Variants in SLC26A4 observed in about 807,000 individuals in gnomAD.
The protein encoded by SLC26A4 is pendrin.
Under a neutral mutation model 90.4 loss-of-function variants are expected in SLC26A4, and 93 were observed. The observed-to-expected ratio is 1.03, with a 90% confidence interval of 0.87 to 1.22. The LOEUF (loss-of-function observed/expected upper bound fraction) is 1.22. Ranked by LOEUF, SLC26A4 falls within the 50% of genes most tolerant of loss-of-function variation. The pLI is 0.00. For synonymous variants in SLC26A4, 393 were observed against 354.6 expected (o/e 1.11, Z -1.22); for missense variants, 1,127 against 946.2 (o/e 1.19, Z -2.51).
At chr7:107,669,590 T>G (rs189786950) in intron 3 of SLC26A4, among the ~76,000 whole-genome samples, 2 of 152,322 alleles carry the variant, frequency 1.3e-5, no homozygotes, top group Admixed American at 6.5e-5. Flanking sequence ...CTGTTTGTAA[T>G]TTACATATTA....
In SLC26A4 at chr7:107,701,158, C is replaced by G. The variant is rs1473339827; in HGVS notation, c.1765C>G (p.Gln589Glu). The G allele has an allele frequency of 1.2e-6, 2 of 1,609,656 alleles. No homozygotes were observed. Among genetic ancestry groups the G allele is most frequent in the South Asian group, 1.1e-5 (1 of 91,010 alleles). The stretch of plus-strand genomic sequence containing the variant: ...GAGGCTGAAAGCGCTGAGGAAAATA[C>G]AGAAACTAATAAAAAGTGGACAATT... The part of the protein sequence containing the change: ...NKRLKALRKI[Q>E]KLIKSGQLRA... The change falls in exon 16 of 21, where the codon CAG (glutamine) becomes GAG (glutamate). Residue 589 changes from glutamine (Q) to glutamate (E), a missense_variant. Physicochemically the swap from Gln to Glu is conservative, Grantham distance 29. Coordinates refer to ENST00000644269, the MANE Select transcript of SLC26A4 (RefSeq NM_000441.2).
chr7:107,694,458 A>G lies in SLC26A4; in HGVS notation c.1319A>G (p.Lys440Arg). 1 of 1,613,644 alleles carries G rather than the reference A, an allele frequency of 6.2e-7. No individual in the cohort carries two copies. Residue 440 changes from lysine to arginine, a missense_variant, in exon 11 of 21, where the codon AAG (lysine) becomes AGG (arginine). Physicochemically the swap from Lys to Arg is conservative, Grantham distance 26 (BLOSUM62 2). Coordinates refer to ENST00000644269, the MANE Select transcript of SLC26A4 (RefSeq NM_000441.2). The stretch of plus-strand genomic sequence containing the variant: ...ATGATCGCCATTCTTGCCCTGGGGA[A>G]GCTTCTGGAACCCTTGCAGAAGGTA... ...IVMIAILALG[K>R]LLEPLQKSVL...
intron 8 of SLC26A4, among the ~76,000 whole-genome samples, chr7:107,686,281 C>CCCTCCCTTCCCTCCCTTT (rs1562830850): frequency 8.0e-6 from 1 of 124,498 alleles, no homozygotes; most frequent in African/African-American, 3.0e-5. Flanking sequence ...TCCCTCCCTT[C>CCCTCCCTTCCCTCCCTTT]CCTCCCTTTC....
intron 9 of SLC26A4, among the ~76,000 whole-genome samples, chr7:107,689,455 T>G (rs1791509823): frequency 6.6e-6 from 1 of 152,206 alleles, no homozygotes; most frequent in Non-Finnish European, 1.5e-5. Context: ...ATAAATAACA[T>G]TCAAAGTGAA....
chr7:107,679,881 AATCTT>A (rs1562826805), intron 6 of SLC26A4, among the ~76,000 whole-genome samples: 3 of 117,784 alleles, frequency 2.5e-5, no homozygotes, highest in Admixed American at 8.7e-5. Context: ...TATATTATAT[AATCTT>A]ATCTTATATA....
intron 8 of SLC26A4, among the ~76,000 whole-genome samples, chr7:107,687,702 A>G (rs1464062842): frequency 6.6e-6 from 1 of 152,230 alleles, no homozygotes; most frequent in Non-Finnish European, 1.5e-5. Context: ...GGCAAAGTGC[A>G]TTAGGCTGCT....
rs748270865 is a variant in SLC26A4 at position 107,672,280 on chromosome 7, G to T, written c.415+32G>T. 2.8e-5 allele frequency: 39 copies of T among 1,404,922 alleles called. No individual in the cohort carries two copies. In the South Asian group the frequency reaches 4.5e-4, roughly 16 times the overall value. The allele number at this position is 1,404,922 out of a possible 1,614,324, so 87.0% of individuals were successfully genotyped here. On this transcript the variant is annotated intron_variant, in intron 4 of 20. Transcript: ENST00000644269. Reference sequence around the variant, plus strand: ...ATAAGTATATTTTACAATTATATTTGCTCATGTTTAAAGTGTTTTGGCTAT... The same window carrying T: ...ATAAGTATATTTTACAATTATATTTTCTCATGTTTAAAGTGTTTTGGCTAT...
chr7:107,684,076 G>C (rs1185950577), intron 8 of SLC26A4, among the ~76,000 whole-genome samples: 2 of 152,160 alleles, frequency 1.3e-5, no homozygotes, highest in Admixed American at 1.3e-4. Context: ...TCACCTTCCA[G>C]TTTTGTGACC....
intron 17 of SLC26A4, among the ~76,000 whole-genome samples, chr7:107,703,930 G>A (rs960794564): frequency 1.3e-5 from 2 of 152,176 alleles, no homozygotes; most frequent in African/African-American, 2.4e-5. Context: ...TAAAATCACA[G>A]TAGGACACTG....
Position 107,661,529 on chromosome 7 carries a change from G to GC in SLC26A4, c.-3-110_-3-109insC. On this transcript the variant is annotated intron_variant, in intron 1 of 20. Coordinates refer to ENST00000644269, the MANE Select transcript of SLC26A4 (RefSeq NM_000441.2). The surrounding 1 kb of genome is among the most constrained non-coding windows in gnomAD (Gnocchi z 5.1). The stretch of plus-strand genomic sequence containing the variant: ...GCGGACCAGACTCGCGGTGCAGGGG[G>GC]GCCTGGCTGCAGCTAACAGGTGATC... 1 of 1,218,736 alleles carries GC rather than the reference G, an allele frequency of 8.2e-7. No homozygotes were observed. Among genetic ancestry groups the GC allele is most frequent in the Non-Finnish European group, 1.2e-6 (1 of 861,682 alleles). 75.5% of individuals were successfully genotyped at this position (1,218,736 alleles called of 1,614,324 possible).
At chr7:107,675,179 G>C (rs1790988403) in intron 6 of SLC26A4, 70 bp downstream of exon 6, 1 of 1,498,628 alleles carries the variant, frequency 6.7e-7, no homozygotes, top group Non-Finnish European at 9.2e-7. Flanking sequence ...CATTCTCTGA[G>C]TCTGGGCCAG....
chr7:107,698,250 A>G (rs774946086), intron 14 of SLC26A4, 139 bp downstream of exon 14: 48 of 713,968 alleles, frequency 6.7e-5, no homozygotes, highest in Non-Finnish European at 1.0e-4. Flanking sequence ...GTGTCATGAA[A>G]ACTTTTGATC....
chr7:107,694,711 G>A lies in SLC26A4; in HGVS notation c.1432G>A (p.Asp478Asn). Reference protein sequence around the residue: ...IPRLWRQNKIDAVIWVFTCIV... With the variant: ...IPRLWRQNKINAVIWVFTCIV... ...TCGTCTGTGGAGACAGAATAAGATT[G>A]ATGCTGTAAGTCACCTACCACCTAT... The change falls in exon 12 of 21, where the codon GAT becomes AAT. Residue 478 changes from aspartate (D) to asparagine (N), a missense_variant. Transcript: ENST00000644269. The A allele has an allele frequency of 6.3e-7, 1 of 1,598,176 alleles. No individual in the cohort carries two copies. The highest frequency in any genetic ancestry group is 1.1e-5 in the South Asian group (1 of 90,766).
chr7:107,710,125 AC>A lies in SLC26A4; in HGVS notation c.2162del (p.Thr721ArgfsTer13). ...CATTAGAAAGGACACATTCTTTTTGACGGTCCATGATGCTATACTCTATCTA... is the reference window on the plus strand; with the variant it reads ...CATTAGAAAGGACACATTCTTTTTGAGGTCCATGATGCTATACTCTATCTA... ...DNIRKDTFFL[T>X]VHDAILYLQN... On this transcript the variant is annotated frameshift_variant, in exon 19 of 21. Coordinates refer to ENST00000644269, the MANE Select transcript of SLC26A4 (RefSeq NM_000441.2). LOFTEE classifies it high-confidence loss of function. The A allele has an allele frequency of 2.5e-6, 4 of 1,609,524 alleles. No individual in the cohort carries two copies. Among genetic ancestry groups the A allele is most frequent in the Non-Finnish European group, 3.4e-6 (4 of 1,175,778 alleles).
rs181130119 is a variant in SLC26A4 at position 107,661,314 on chromosome 7, C to A, written c.-3-325C>A. 1.6e-5 allele frequency: 7 copies of A among 435,586 alleles called. No homozygotes were observed. Among genetic ancestry groups the A allele is most frequent in the Non-Finnish European group, 4.1e-6 (1 of 241,174 alleles). The allele number at this position is 435,586 out of a possible 1,614,324, so 27.0% of individuals were successfully genotyped here. ...GGAGATTTCAGAACGCGGACAGCGC[C>A]CTGGCTGCGGGCCATAGGGGACTGG... On this transcript the variant is annotated intron_variant, in intron 1 of 20. Coordinates refer to ENST00000644269, the MANE Select transcript of SLC26A4 (RefSeq NM_000441.2). This position sits in a 1 kb window ranked among gnomAD's most constrained non-coding sequence, Gnocchi z 5.1.
rs1055420787 is a variant in SLC26A4 at position 107,661,954 on chromosome 7, C to A, written c.164+149C>A. Reference sequence around the variant, plus strand: ...TTCTCCCAGAGGCCCGACTTTCGGTCTCCGGTCCTCCACGCCGCCCTTCTG... The same window carrying A: ...TTCTCCCAGAGGCCCGACTTTCGGTATCCGGTCCTCCACGCCGCCCTTCTG... On this transcript the variant is annotated intron_variant, in intron 2 of 20. Transcript: ENST00000644269. The surrounding 1 kb of genome is among the most constrained non-coding windows in gnomAD (Gnocchi z 5.1). The A allele has an allele frequency of 1.1e-5, 9 of 820,392 alleles. No individual in the cohort carries two copies. Among genetic ancestry groups the A allele is most frequent in the Non-Finnish European group, 1.7e-5 (9 of 538,478 alleles). 50.8% of individuals were successfully genotyped at this position (820,392 alleles called of 1,614,324 possible).
chr7:107,679,197 C>G (rs1419641968), intron 6 of SLC26A4, among the ~76,000 whole-genome samples: 1 of 152,162 alleles, frequency 6.6e-6, no homozygotes, highest in Non-Finnish European at 1.5e-5. Context: ...TCCCAGTCCA[C>G]TTAGGGGTTG....
At chr7:107,706,940 C>T (rs1242500613) in intron 18 of SLC26A4, among the ~76,000 whole-genome samples, 1 of 152,186 alleles carries the variant, frequency 6.6e-6, no homozygotes, top group African/African-American at 2.4e-5. Context: ...GAAGCCAAGG[C>T]GGACAATTGC....
intron 5 of SLC26A4, 123 bp from the exon 6 acceptor site, chr7:107,674,822 A>G: frequency 1.1e-6 from 1 of 874,816 alleles, no homozygotes; most frequent in Non-Finnish European, 1.9e-6. Context: ...TTCTACCAGT[A>G]TTTTTGTGCT....
Sources: gnomAD v4.1 joint callset for allele counts (sites outside exome capture counted in the v4.1 genomes callset) on GRCh38, gnomAD v4.1.1 for gene constraint, Gnocchi (gnomAD v3.1) non-coding constraint, MANE v1.5 for transcripts, NCBI Gene and HGNC (gene_info 2026-07-23, HGNC 2026-07-21) for gene names.